The following PCBP3 variants were observed in gnomAD, a reference collection of about 807,000 sequenced individuals.
PCBP3 encodes poly(rC) binding protein 3.
In PCBP3, 25 loss-of-function variants were observed where a neutral mutation model predicts 52.7. The observed-to-expected ratio is 0.47, with a 90% CI of 0.35 to 0.66. The LOEUF is 0.66. PCBP3 is among the 30% of genes least tolerant of loss of function. The pLI, the probability that PCBP3 is intolerant of heterozygous loss-of-function variation, is 0.01. For synonymous variants in PCBP3, 162 were observed against 183.0 expected, an observed-to-expected ratio of 0.89 and a Z score of 0.93; for missense variants, 391 against 490.3, an observed-to-expected ratio of 0.80 and a Z score of 1.91.
chr21:45,873,589 C>T (rs899016027), intron 5 of PCBP3, among the ~76,000 whole-genome samples: 6 of 152,144 alleles, frequency 3.9e-5, no homozygotes, highest in East Asian at 1.9e-4. Flanking sequence ...CCCCTTGAGA[C>T]GCACAGCACC....
chr21:45,711,566 A>G (rs2083841425), intron 2 of PCBP3, among the ~76,000 whole-genome samples: 1 of 152,214 alleles, frequency 6.6e-6, no homozygotes, highest in Non-Finnish European at 1.5e-5. Context: ...ACTCCTTGGT[A>G]AACAACTTTA....
chr21:45,675,681 A>G (rs1290437967), intron 2 of PCBP3, among the ~76,000 whole-genome samples: 1 of 152,056 alleles, frequency 6.6e-6, no homozygotes, highest in Non-Finnish European at 1.5e-5. Flanking sequence ...ATCTCCTGTG[A>G]TTTGTGGAGT....
intron 1 of PCBP3, among the ~76,000 whole-genome samples, chr21:45,649,147 G>A (rs779057030): frequency 1.2e-4 from 19 of 152,168 alleles, no homozygotes; most frequent in African/African-American, 2.7e-4. Context: ...CAATGATGGC[G>A]GAAGTTGAAA....
At chr21:45,753,010 G>C (rs971817223) in intron 3 of PCBP3, 3 of 148,082 alleles carry the variant, frequency 2.0e-5, no homozygotes, top group African/African-American at 7.5e-5. Flanking sequence ...GCATGGTGGT[G>C]TGCACCTGTA....
At chr21:45,941,283 G>A (rs948696332) in intron 17 of PCBP3, among the ~76,000 whole-genome samples, 1 of 152,176 alleles carries the variant, frequency 6.6e-6, no homozygotes, top group South Asian at 2.1e-4. Flanking sequence ...ACTGGGACCC[G>A]TGCTTGGGGC....
At chr21:45,885,536 C>T (rs1306653542) in intron 5 of PCBP3, among the ~76,000 whole-genome samples, 1 of 152,106 alleles carries the variant, frequency 6.6e-6, no homozygotes, top group Non-Finnish European at 1.5e-5. Flanking sequence ...TTAGGTCCTC[C>T]CCATGTCCCA....
At chr21:45,729,090 G>A (rs2085267795) in intron 2 of PCBP3, among the ~76,000 whole-genome samples, 1 of 152,112 alleles carries the variant, frequency 6.6e-6, no homozygotes, top group African/African-American at 2.4e-5. Flanking sequence ...CTGTCCTTAT[G>A]CCCTGGAAAC....
At chr21:45,937,483 G>T (rs1171110562) in intron 16 of PCBP3, among the ~76,000 whole-genome samples, 18 of 152,216 alleles carry the variant, frequency 1.2e-4, no homozygotes, top group Admixed American at 1.2e-3. Context: ...CCTTCTGCTG[G>T]GGAAAGGAAT....
intron 2 of PCBP3, among the ~76,000 whole-genome samples, chr21:45,713,220 G>C (rs537609784): frequency 1.3e-5 from 2 of 152,218 alleles, no homozygotes; most frequent in African/African-American, 4.8e-5. Context: ...CTTGGTGTCC[G>C]TTTATCTTCC....
At chr21:45,806,242 G>C in intron 4 of PCBP3, among the ~76,000 whole-genome samples, 2 of 152,298 alleles carry the variant, frequency 1.3e-5, no homozygotes, top group East Asian at 3.9e-4. Flanking sequence ...ATGGAACGGC[G>C]GCCTTTCCGC....
intron 2 of PCBP3, among the ~76,000 whole-genome samples, chr21:45,726,493 C>G (rs1048145123): frequency 6.6e-6 from 1 of 152,122 alleles, no homozygotes; most frequent in African/African-American, 2.4e-5. Flanking sequence ...CCCCAGATCT[C>G]TGTGTGCTCA....
At chr21:45,777,411 T>C (rs901062673) in intron 4 of PCBP3, among the ~76,000 whole-genome samples, 10 of 152,206 alleles carry the variant, frequency 6.6e-5, no homozygotes, top group African/African-American at 1.9e-4. Context: ...CTTTTTGCAT[T>C]GCGTCTGCCT....
intron 4 of PCBP3, among the ~76,000 whole-genome samples, chr21:45,798,953 A>G (rs28564437): frequency 5.7e-4 from 85 of 150,386 alleles, no homozygotes; most frequent in African/African-American, 2.0e-3. Flanking sequence ...GGATGAATGC[A>G]TGGATCTGTA....
intron 14 of PCBP3, among the ~76,000 whole-genome samples, chr21:45,930,203 G>C (rs963949604): frequency 1.3e-5 from 2 of 152,212 alleles, no homozygotes; most frequent in Non-Finnish European, 2.9e-5. Context: ...ACTGTTGGGG[G>C]CTGGTTCACC....
chr21:45,697,058 A>G (rs2082823560), intron 2 of PCBP3, among the ~76,000 whole-genome samples: 1 of 152,206 alleles, frequency 6.6e-6, no homozygotes, highest in Non-Finnish European at 1.5e-5. Context: ...TGCTTTGACC[A>G]CTTTGAAAAT....
chr21:45,727,762 A>G (rs2085162050), intron 2 of PCBP3, among the ~76,000 whole-genome samples: 1 of 151,558 alleles, frequency 6.6e-6, no homozygotes, highest in Non-Finnish European at 1.5e-5. Context: ...TGAAAGGTAC[A>G]CTCCAGGATG....
intron 1 of PCBP3, among the ~76,000 whole-genome samples, chr21:45,647,072 A>T (rs200756119): frequency 6.7e-6 from 1 of 149,790 alleles, no homozygotes; most frequent in Non-Finnish European, 1.5e-5. Flanking sequence ...TAAAAAAAAA[A>T]CAAAAAAGAT....
At chr21:45,816,754 T>TA (rs2092976382) in intron 4 of PCBP3, among the ~76,000 whole-genome samples, 1 of 150,702 alleles carries the variant, frequency 6.6e-6, no homozygotes, top group African/African-American at 2.4e-5. Context: ...TTTTTTTTTT[T>TA]AATAAATAGA....
At chr21:45,662,897 GGAAAGGGAGTC>G (rs2080504721) in intron 1 of PCBP3, among the ~76,000 whole-genome samples, 1 of 152,050 alleles carries the variant, frequency 6.6e-6, no homozygotes. Context: ...TAGCAGACTG[GGAAAGGGAGTC>G]TCCCTTTCCC....
Sources: gnomAD v4.1 joint callset for allele counts (sites outside exome capture counted in the v4.1 genomes callset) on GRCh38, gnomAD v4.1.1 for gene constraint, MANE v1.5 for transcripts, NCBI Gene and HGNC (gene_info 2026-07-23, HGNC 2026-07-21) for gene names.